Variants in ZBTB20 observed in about 807,000 individuals in gnomAD.
The protein encoded by ZBTB20 is zinc finger and BTB domain containing 20, also known as zinc finger and BTB domain-containing protein 20.
In ZBTB20, 9 loss-of-function variants were observed where a neutral mutation model predicts 56.9. That is an observed-to-expected ratio of 0.16 (90% CI 0.10 to 0.28). ZBTB20 has a LOEUF of 0.28. Ranked by LOEUF, ZBTB20 falls within the 10% of genes least tolerant of loss-of-function variation. The pLI, the probability that ZBTB20 is intolerant of heterozygous loss-of-function variation, is 1.00. For missense variants in ZBTB20, 655 were observed against 1,003.0 expected, an observed-to-expected ratio of 0.65 and a Z score of 4.69; for synonymous variants, 417 against 420.7, an observed-to-expected ratio of 0.99 and a Z score of 0.11.
chr3:114,450,330 C>T (rs1425755947), intron 7 of ZBTB20, among the ~76,000 whole-genome samples: 2 of 152,180 alleles, frequency 1.3e-5, no homozygotes, highest in Non-Finnish European at 2.9e-5. Context: ...AAGCAAAACT[C>T]AAATTTTTTT....
At chr3:114,392,527 C>G (rs773228198) in intron 7 of ZBTB20, among the ~76,000 whole-genome samples, 4 of 152,140 alleles carry the variant, frequency 2.6e-5, no homozygotes, top group Non-Finnish European at 5.9e-5. Context: ...GTGTGTTCAG[C>G]TGGAGTTCTT....
chr3:114,433,385 AT>A (rs1013770217), intron 7 of ZBTB20, among the ~76,000 whole-genome samples: 47 of 152,326 alleles, frequency 3.1e-4, no homozygotes, highest in Admixed American at 5.2e-4. Context: ...ATCAATAATA[AT>A]TTATTAAAAA....
chr3:115,106,738 A>G (rs1027808213), intron 1 of ZBTB20, among the ~76,000 whole-genome samples: 1 of 152,172 alleles, frequency 6.6e-6, no homozygotes, highest in African/African-American at 2.4e-5. Flanking sequence ...TATTATGGCC[A>G]GAGGATTTTA....
rs201485786 is a variant in ZBTB20 at position 114,689,611 on chromosome 3, A to ACCAAGAAG, written c.-295+3909_-295+3916dup. On this transcript the variant is annotated intron_variant, in intron 6 of 11. Transcript: ENST00000675478. ...GAGAAAAAGGTGTACGCGTACATAC[A>ACCAAGAAG]CCAAGAAGCAAATGCTATCATTAAT... 5.8e-3 allele frequency among the ~76,000 whole-genome samples: 880 copies of ACCAAGAAG among 152,316 alleles called. 17 individuals are homozygous for ACCAAGAAG. Among genetic ancestry groups the ACCAAGAAG allele is most frequent in the African/African-American group, 0.02 (829 of 41,572 alleles).
chr3:114,428,055 T>C (rs2089834441), intron 7 of ZBTB20, among the ~76,000 whole-genome samples: 1 of 152,162 alleles, frequency 6.6e-6, no homozygotes, highest in Non-Finnish European at 1.5e-5. Flanking sequence ...TTAAAGGGGA[T>C]TTTGAAATTC....
chr3:114,793,026 C>A, intron 5 of ZBTB20, among the ~76,000 whole-genome samples: 1 of 151,878 alleles, frequency 6.6e-6, no homozygotes, highest in East Asian at 1.9e-4. Context: ...CAGGAACCTG[C>A]CACCATCCCC....
intron 6 of ZBTB20, chr3:114,658,899 T>C (rs2060563345): frequency 6.6e-6 from 1 of 152,190 alleles, no homozygotes; most frequent in Admixed American, 6.6e-5. Context: ...AATTATTTGC[T>C]TGTATGTCTT....
chr3:115,018,051 TTA>T (rs2080046384), intron 2 of ZBTB20, among the ~76,000 whole-genome samples: 1 of 151,520 alleles, frequency 6.6e-6, no homozygotes, highest in Non-Finnish European at 1.5e-5. Context: ...TTTTAATCTC[TTA>T]AAGTTGCACA....
At chr3:114,493,965 T>C (rs993619381) in intron 7 of ZBTB20, among the ~76,000 whole-genome samples, 1 of 152,214 alleles carries the variant, frequency 6.6e-6, no homozygotes, top group African/African-American at 2.4e-5. Flanking sequence ...TTTTAAGACA[T>C]AGTCCTGGAA....
intron 5 of ZBTB20, among the ~76,000 whole-genome samples, chr3:114,757,629 C>T (rs1190695310): frequency 1.3e-5 from 2 of 152,056 alleles, no homozygotes; most frequent in African/African-American, 4.8e-5. Context: ...AATCTGAGGA[C>T]AGAATGTGAT....
chr3:114,671,174 AG>A (rs2061341004), intron 6 of ZBTB20, among the ~76,000 whole-genome samples: 1 of 152,136 alleles, frequency 6.6e-6, no homozygotes, highest in Non-Finnish European at 1.5e-5. Context: ...CATTTAAAGT[AG>A]GGTATTATCT....
chr3:114,706,185 C>T (rs985385239), intron 5 of ZBTB20, among the ~76,000 whole-genome samples: 2 of 152,084 alleles, frequency 1.3e-5, no homozygotes, highest in Admixed American at 1.3e-4. Flanking sequence ...ATTCTGAAAC[C>T]TCATTTTCAT....
chr3:115,121,116 G>A (rs573110610), intron 1 of ZBTB20, among the ~76,000 whole-genome samples: 4 of 152,112 alleles, frequency 2.6e-5, no homozygotes, highest in African/African-American at 7.2e-5. Flanking sequence ...ATTATAACCC[G>A]TTGAGCTACG....
At chr3:114,518,169 G>A (rs1396897835) in intron 6 of ZBTB20, among the ~76,000 whole-genome samples, 4 of 152,124 alleles carry the variant, frequency 2.6e-5, no homozygotes, top group Non-Finnish European at 5.9e-5. Context: ...GTATTGGTTT[G>A]AGCAGGGTCA....
chr3:114,930,304 T>C (rs1046737071), intron 3 of ZBTB20, among the ~76,000 whole-genome samples: 1 of 152,182 alleles, frequency 6.6e-6, no homozygotes, highest in Non-Finnish European at 1.5e-5. Context: ...ATCTTGTTTA[T>C]AAATCTTACT....
intron 2 of ZBTB20, among the ~76,000 whole-genome samples, chr3:115,030,394 ATAT>A (rs2080618116): frequency 6.6e-6 from 1 of 151,162 alleles, no homozygotes; most frequent in South Asian, 2.1e-4. Context: ...ATGCTATTTA[ATAT>A]TATCTGTTTA....
intron 7 of ZBTB20, among the ~76,000 whole-genome samples, chr3:114,399,378 G>T (rs912215048): frequency 2.6e-5 from 4 of 152,016 alleles, no homozygotes; most frequent in African/African-American, 9.7e-5. Flanking sequence ...CTTAAAATAG[G>T]TATAGCTTGT....
chr3:115,100,140 G>A (rs960319841), intron 1 of ZBTB20: 2 of 150,644 alleles, frequency 1.3e-5, no homozygotes, highest in African/African-American at 4.9e-5. Context: ...GAGGAAGCAG[G>A]ATTTTTTTTT....
intron 7 of ZBTB20, among the ~76,000 whole-genome samples, chr3:114,446,509 A>G (rs1028089015): frequency 3.3e-5 from 5 of 152,126 alleles, no homozygotes; most frequent in African/African-American, 1.2e-4. Context: ...CATTTAGAGA[A>G]CCTTAGCTGC....
Sources: allele counts gnomAD v4.1 joint callset (sites outside exome capture counted in the v4.1 genomes callset), GRCh38; gene constraint gnomAD v4.1.1; transcripts MANE v1.5; gene names NCBI Gene and HGNC (gene_info 2026-07-23, HGNC 2026-07-21).